PPARGC1A: variants seen among roughly 807,000 people sequenced by gnomAD.
PPARGC1A encodes the protein PPARG coactivator 1 alpha.
In PPARGC1A, 25 loss-of-function variants were observed where a neutral mutation model predicts 88.7. That is an observed-to-expected ratio of 0.28 (90% confidence interval 0.21 to 0.39). The LOEUF is 0.39. Ranked by LOEUF, PPARGC1A falls within the 10% of genes least tolerant of loss-of-function variation. The probability of loss-of-function intolerance (pLI) is 1.00; values close to 1 mark genes in which losing one functional copy is unlikely to be tolerated. For synonymous variants in PPARGC1A, 363 were observed against 355.6 expected, an observed-to-expected ratio of 1.02 and a Z score of -0.24; for missense variants, 880 against 968.7, an observed-to-expected ratio of 0.91 and a Z score of 1.22.
At chr4:23,920,755 C>A in the PPARGC1A span, among the ~76,000 whole-genome samples, 3 of 152,208 alleles carry the variant, frequency 2.0e-5, no homozygotes, top group African/African-American at 7.2e-5. Flanking sequence ...AATTATTTTA[C>A]ATTATCTTCC....
chr4:24,329,341 C>T, the PPARGC1A span, among the ~76,000 whole-genome samples: 1 of 151,920 alleles, frequency 6.6e-6, no homozygotes. Flanking sequence ...AACCCCATTG[C>T]CCTTAGGATA....
chr4:23,954,885 C>T, the PPARGC1A span, among the ~76,000 whole-genome samples: 1 of 151,974 alleles, frequency 6.6e-6, no homozygotes, highest in South Asian at 2.1e-4. Flanking sequence ...ATATTATATT[C>T]ACAACCAGGA....
chr4:24,070,684 C>T, the PPARGC1A span, among the ~76,000 whole-genome samples: 20 of 152,184 alleles, frequency 1.3e-4, no homozygotes, highest in African/African-American at 2.2e-4. Flanking sequence ...CAGCAAACTA[C>T]GGTCCATGGA....
the PPARGC1A span, among the ~76,000 whole-genome samples, chr4:24,169,306 G>C: frequency 6.6e-6 from 1 of 152,134 alleles, no homozygotes; most frequent in African/African-American, 2.4e-5. Context: ...AAGGAGTCCT[G>C]GGCAATAAAT....
At chr4:24,001,218 C>G in the PPARGC1A span, among the ~76,000 whole-genome samples, 1 of 152,090 alleles carries the variant, frequency 6.6e-6, no homozygotes, top group African/African-American at 2.4e-5. Context: ...TGCAAAAACA[C>G]ACCTTCATGT....
chr4:24,240,801 G>C, the PPARGC1A span, among the ~76,000 whole-genome samples: 4 of 148,926 alleles, frequency 2.7e-5, no homozygotes, highest in Non-Finnish European at 6.0e-5. Flanking sequence ...GCAGGGGTAA[G>C]TAGCTTTTCA....
the PPARGC1A span, among the ~76,000 whole-genome samples, chr4:24,353,549 A>G: frequency 6.6e-6 from 1 of 152,194 alleles, no homozygotes; most frequent in Admixed American, 6.5e-5. Context: ...AAGCCTTGCT[A>G]AGAAGGATGC....
the PPARGC1A span, among the ~76,000 whole-genome samples, chr4:23,922,503 G>A: frequency 6.6e-6 from 1 of 152,156 alleles, no homozygotes; most frequent in Non-Finnish European, 1.5e-5. Context: ...GGTTTTATTA[G>A]TTCAGTTAGT....
the PPARGC1A span, among the ~76,000 whole-genome samples, chr4:24,240,730 T>C: frequency 0.14 from 21,728 of 152,204 alleles, 1,990 homozygotes; most frequent in Middle Eastern, 0.28. Flanking sequence ...ACAGAGGTAG[T>C]TCTAGCAGAG....
chr4:24,061,617 G>A, the PPARGC1A span, among the ~76,000 whole-genome samples: 1 of 152,256 alleles, frequency 6.6e-6, no homozygotes, highest in African/African-American at 2.4e-5. Context: ...CTATGGGGAA[G>A]TGTGCTTTGG....
the PPARGC1A span, among the ~76,000 whole-genome samples, chr4:24,215,371 G>C: frequency 6.6e-6 from 1 of 152,152 alleles, no homozygotes; most frequent in Non-Finnish European, 1.5e-5. Flanking sequence ...GACCTTCACT[G>C]ATTGAAATGA....
the PPARGC1A span, among the ~76,000 whole-genome samples, chr4:24,349,715 G>C: frequency 6.6e-6 from 1 of 152,218 alleles, no homozygotes; most frequent in East Asian, 1.9e-4. Flanking sequence ...AAACTTACCC[G>C]AAGCTATCTG....
chr4:24,176,557 C>T, the PPARGC1A span, among the ~76,000 whole-genome samples: 1 of 152,100 alleles, frequency 6.6e-6, no homozygotes, highest in Non-Finnish European at 1.5e-5. Context: ...CAGCCAGAAA[C>T]AGAAGATAGA....
At chr4:24,046,504 A>C in the PPARGC1A span, among the ~76,000 whole-genome samples, 1 of 152,192 alleles carries the variant, frequency 6.6e-6, no homozygotes, top group African/African-American at 2.4e-5. Context: ...GGACCCTTCC[A>C]TCCTTCTTCT....
the PPARGC1A span, among the ~76,000 whole-genome samples, chr4:24,213,903 A>G: frequency 6.6e-6 from 1 of 152,246 alleles, no homozygotes; most frequent in Non-Finnish European, 1.5e-5. Flanking sequence ...TAGGAGGAAC[A>G]CTGATGAACA....
At chr4:24,049,237 AAT>A in the PPARGC1A span, among the ~76,000 whole-genome samples, 1 of 61,760 alleles carries the variant, frequency 1.6e-5, no homozygotes, top group African/African-American at 4.3e-5. Context: ...CATATATATA[AAT>A]ATATATACAC....
At chr4:24,010,542 T>C in the PPARGC1A span, among the ~76,000 whole-genome samples, 1 of 152,128 alleles carries the variant, frequency 6.6e-6, no homozygotes, top group Non-Finnish European at 1.5e-5. Flanking sequence ...AGAACTTATG[T>C]TCTAGTGGGA....
chr4:24,030,319 C>T, the PPARGC1A span, among the ~76,000 whole-genome samples: 1 of 152,286 alleles, frequency 6.6e-6, no homozygotes, highest in Non-Finnish European at 1.5e-5. Context: ...TGCTCTAACA[C>T]AAAAATGCAG....
chr4:24,194,059 G>A, the PPARGC1A span, among the ~76,000 whole-genome samples: 2 of 151,294 alleles, frequency 1.3e-5, no homozygotes, highest in African/African-American at 4.9e-5. Context: ...AACCTGGGAG[G>A]TGGAGGTTGC....
Sources: allele counts gnomAD v4.1 joint callset (sites outside exome capture counted in the v4.1 genomes callset), GRCh38; gene constraint gnomAD v4.1.1; transcripts MANE v1.5; gene names NCBI Gene and HGNC (gene_info 2026-07-23, HGNC 2026-07-21).